The following FOXP1 variants were observed in gnomAD, a reference collection of about 807,000 sequenced individuals.
The protein encoded by FOXP1 is forkhead box protein P1.
In FOXP1, 15 loss-of-function variants were observed where a neutral mutation model predicts 98.2. The observed-to-expected ratio is 0.15, with a 90% CI of 0.10 to 0.24. FOXP1 has a LOEUF of 0.24. Among genes scored for constraint, FOXP1 ranks in the 10% least tolerant of loss-of-function variants. The pLI, the probability that FOXP1 is intolerant of heterozygous loss-of-function variation, is 1.00. For synonymous variants in FOXP1, 371 were observed against 314.5 expected (o/e 1.18, Z -1.90); for missense variants, 633 against 848.5 (o/e 0.75, Z 3.15).
At chr3:71,441,037 G>A (rs1425521937) in intron 3 of FOXP1, among the ~76,000 whole-genome samples, 1 of 152,146 alleles carries the variant, frequency 6.6e-6, no homozygotes, top group African/African-American at 2.4e-5. Context: ...AGTACTTCAG[G>A]TTTTTTAAAG....
intron 3 of FOXP1, among the ~76,000 whole-genome samples, chr3:71,468,461 G>C (rs977257167): frequency 1.3e-5 from 2 of 152,088 alleles, no homozygotes; most frequent in African/African-American, 2.4e-5. Context: ...CCTGCTCTTC[G>C]ACACGTGATA....
chr3:71,185,752 G>A lies in FOXP1; in HGVS notation c.180+12450C>T, dbSNP rs1030004314. ...GCAAAATGGAAAAGACACAGCTTTG[G>A]GGCCTTTAAAATCTCTAAGTCAGAA... On this transcript the variant is annotated intron_variant, in intron 6 of 20. Transcript: ENST00000649528. Among the ~76,000 whole-genome samples, 89 of 152,096 alleles carry A rather than the reference G, an allele frequency of 5.9e-4. 1 individual carries two copies. Among genetic ancestry groups the A allele is most frequent in the African/African-American group, 2.4e-5 (1 of 41,412 alleles).
At chr3:71,436,292 C>A (rs564963852) in intron 3 of FOXP1, among the ~76,000 whole-genome samples, 1 of 152,060 alleles carries the variant, frequency 6.6e-6, no homozygotes, top group South Asian at 2.1e-4. Flanking sequence ...CACATTACTA[C>A]GCTAAAACCT....
At chr3:71,144,359 C>T (rs573924326) in intron 6 of FOXP1, among the ~76,000 whole-genome samples, 1 of 152,296 alleles carries the variant, frequency 6.6e-6, no homozygotes, top group Admixed American at 6.5e-5. Flanking sequence ...GCATGCAAGG[C>T]AGCCAAAGAA....
At chr3:71,554,661 C>G (rs868140972) in intron 2 of FOXP1, among the ~76,000 whole-genome samples, 1 of 152,146 alleles carries the variant, frequency 6.6e-6, no homozygotes, top group Non-Finnish European at 1.5e-5. Context: ...CAGTGCAATA[C>G]ATTAAAAGTT....
intron 2 of FOXP1, among the ~76,000 whole-genome samples, chr3:71,537,728 C>G (rs2044420374): frequency 6.6e-6 from 1 of 152,202 alleles, no homozygotes; most frequent in South Asian, 2.1e-4. Flanking sequence ...AAGCTGCTAA[C>G]ATGTATTTAA....
intron 5 of FOXP1, among the ~76,000 whole-genome samples, chr3:71,213,868 C>T (rs1164344612): frequency 2.0e-5 from 3 of 152,142 alleles, no homozygotes; most frequent in Non-Finnish European, 4.4e-5. Flanking sequence ...ATATTCAAAT[C>T]TTACAAACAC....
chr3:70,958,190 TTGC>T lies in FOXP1; in HGVS notation c.*1054_*1056del, dbSNP rs1390164006. 1 of 418,874 alleles carries T rather than the reference TTGC, an allele frequency of 2.4e-6. No individual in the cohort carries two copies. Among genetic ancestry groups the T allele is most frequent in the Non-Finnish European group, 4.5e-6 (1 of 220,274 alleles). 25.9% of individuals were successfully genotyped at this position (418,874 alleles called of 1,614,324 possible). A position where few individuals can be genotyped will look rare whatever the true frequency, so the allele number is the denominator to read the frequency against. On this transcript the variant is annotated 3_prime_UTR_variant, in exon 21 of 21. Coordinates refer to ENST00000649528, the MANE Select transcript of FOXP1 (RefSeq NM_001349338.3). ...AGAATGTGGTGGCATTTATTAATGG[TTGC>T]TGCAAAAAAAAAAAAAGAAAAGAAA... is the stretch of plus-strand genomic sequence containing the variant.
intron 1 of FOXP1, chr3:71,582,754 G>A (rs2048287186): frequency 1.0e-6 from 1 of 985,292 alleles, no homozygotes. Flanking sequence ...GAGGCCGAGC[G>A]CGCGTAGGGG....
chr3:71,168,943 A>G (rs2061513366), intron 6 of FOXP1, among the ~76,000 whole-genome samples: 2 of 152,206 alleles, frequency 1.3e-5, no homozygotes, highest in South Asian at 4.1e-4. Context: ...CCTTTCACAG[A>G]GAAATAGAGA....
intron 5 of FOXP1, among the ~76,000 whole-genome samples, chr3:71,201,307 G>T (rs554789703): frequency 6.6e-6 from 1 of 152,256 alleles, no homozygotes; most frequent in African/African-American, 2.4e-5. Flanking sequence ...ACTTTTCCCT[G>T]GGCGTTTCAG....
chr3:71,255,653 A>T (rs1296820296), intron 5 of FOXP1, among the ~76,000 whole-genome samples: 1 of 152,222 alleles, frequency 6.6e-6, no homozygotes, highest in Non-Finnish European at 1.5e-5. Context: ...AATGCATTCA[A>T]CTAATTTGAC....
intron 11 of FOXP1, among the ~76,000 whole-genome samples, chr3:71,027,139 C>T (rs2046237752): frequency 6.6e-6 from 1 of 152,098 alleles, no homozygotes; most frequent in Admixed American, 6.6e-5. Context: ...GTTATTAACA[C>T]CATTAGGCAG....
At chr3:71,439,229 G>A (rs961362206) in intron 3 of FOXP1, among the ~76,000 whole-genome samples, 3 of 152,214 alleles carry the variant, frequency 2.0e-5, no homozygotes, top group African/African-American at 7.2e-5. Flanking sequence ...CACGAGAGCT[G>A]CTCAGAACCC....
At chr3:71,476,542 T>C (rs1322506046) in intron 3 of FOXP1, among the ~76,000 whole-genome samples, 3 of 152,040 alleles carry the variant, frequency 2.0e-5, no homozygotes, top group African/African-American at 7.2e-5. Flanking sequence ...CATTTTGTTA[T>C]TGCAATGGCG....
intron 3 of FOXP1, among the ~76,000 whole-genome samples, chr3:71,436,764 G>A (rs530960169): frequency 9.2e-5 from 14 of 152,150 alleles, no homozygotes; most frequent in East Asian, 1.9e-4. Context: ...AACCAACTCC[G>A]ACTTGGAGCC....
intron 2 of FOXP1, among the ~76,000 whole-genome samples, chr3:71,510,241 C>A (rs892115384): frequency 2.0e-5 from 3 of 152,092 alleles, no homozygotes; most frequent in African/African-American, 7.2e-5. Flanking sequence ...GTAATCCCAG[C>A]ACTTTGGGAG....
intron 9 of FOXP1, among the ~76,000 whole-genome samples, 187 bp downstream of exon 9, chr3:71,052,350 T>C (rs1441327833): frequency 6.6e-6 from 1 of 152,106 alleles, no homozygotes; most frequent in Non-Finnish European, 1.5e-5. Context: ...ATAAAATATG[T>C]GGCAGCAAGC....
At chr3:71,494,774 G>A (rs1463672357) in intron 2 of FOXP1, among the ~76,000 whole-genome samples, 1 of 152,116 alleles carries the variant, frequency 6.6e-6, no homozygotes, top group Non-Finnish European at 1.5e-5. Context: ...ACTACCAGGA[G>A]ATGCTGATAC....
Sources: allele counts gnomAD v4.1 joint callset (sites outside exome capture counted in the v4.1 genomes callset), GRCh38; gene constraint gnomAD v4.1.1; transcripts MANE v1.5; gene names NCBI Gene and HGNC (gene_info 2026-07-23, HGNC 2026-07-21).